Variants in TNPO1 observed in about 807,000 individuals in gnomAD.
TNPO1 encodes transportin-1.
In TNPO1, 8 loss-of-function variants were observed where a neutral mutation model predicts 119.5. The observed-to-expected ratio is 0.07, with a 90% CI of 0.04 to 0.12. TNPO1 has a LOEUF of 0.12. TNPO1 is among the 10% of genes least tolerant of loss of function. TNPO1 has a pLI of 1.00. For missense variants in TNPO1, 576 were observed against 1,089.8 expected (o/e 0.53, Z 6.64); for synonymous variants, 362 against 363.0 (o/e 1.00, Z 0.03).
chr5:72,900,056 A>G lies in TNPO1; in HGVS notation c.2389A>G (p.Met797Val), dbSNP rs1335643699. Residue 797 changes from methionine (M) to valine (V), a missense_variant, in exon 21 of 25, where the codon ATG becomes GTG. Physicochemically the swap from Met to Val is conservative, Grantham distance 21. Transcript: ENST00000337273. ...GYVCPQEVAP[M>V]LQQFIRPWCT... ...CGTTTGTCCTCAAGAGGTGGCCCCC[A>G]TGCTACAGCAGTTTATAAGACCCTG... 9.3e-6 allele frequency: 15 copies of G among 1,613,844 alleles called. No individual in the cohort carries two copies. Among genetic ancestry groups the G allele is most frequent in the Non-Finnish European group, 1.3e-5 (15 of 1,179,896 alleles).
chr5:72,878,705 C>T (rs2112399089), intron 9 of TNPO1: 2 of 214,700 alleles, frequency 9.3e-6, no homozygotes, highest in Non-Finnish European at 1.9e-5. Context: ...ATTGTTCTTC[C>T]TTTTCTCTTT....
rs1750562109 is a variant in TNPO1 at position 72,911,506 on chromosome 5, TC to T, written c.*2834del. The T allele has an allele frequency of 6.6e-6, 1 of 152,566 alleles. No homozygotes were observed. Among genetic ancestry groups the T allele is most frequent in the Admixed American group, 6.5e-5 (1 of 15,270 alleles). 9.5% of individuals were successfully genotyped at this position (152,566 alleles called of 1,614,324 possible). ...GAATTTGCAGAAGCCATTTAAGTTA[TC>T]TTTTGAGGTAAGCTCTGATTTAGCA... On this transcript the variant is annotated 3_prime_UTR_variant, in exon 25 of 25. Transcript: ENST00000337273.
At chr5:72,866,511 T>C (rs904662880) in intron 6 of TNPO1, among the ~76,000 whole-genome samples, 1 of 152,306 alleles carries the variant, frequency 6.6e-6, no homozygotes, top group South Asian at 2.1e-4. Flanking sequence ...CCTAACACTT[T>C]GGGAGGCCCA....
intron 1 of TNPO1, among the ~76,000 whole-genome samples, chr5:72,824,543 G>T (rs1293768285): frequency 6.6e-6 from 1 of 152,138 alleles, no homozygotes; most frequent in Non-Finnish European, 1.5e-5. Flanking sequence ...ACAGCTGTTT[G>T]CTTCCCTTAG....
chr5:72,909,088 C>A lies in TNPO1; in HGVS notation c.*415C>A. 6.5e-6 allele frequency: 1 copy of A among 154,528 alleles called. No individual in the cohort carries two copies. Among genetic ancestry groups the A allele is most frequent in the South Asian group, 1.7e-4 (1 of 5,998 alleles). 9.6% of individuals were successfully genotyped at this position (154,528 alleles called of 1,614,324 possible). ...ATTCTATAGCGCACAATAAAGGAAA[C>A]CTAAGAATGGGAGTTACAAATAGTA... On this transcript the variant is annotated 3_prime_UTR_variant, in exon 25 of 25. Transcript: ENST00000337273.
At chr5:72,905,112 T>A (rs925898912) in intron 23 of TNPO1, among the ~76,000 whole-genome samples, 191 bp from the exon 24 acceptor site, 1 of 151,912 alleles carries the variant, frequency 6.6e-6, no homozygotes, top group Middle Eastern at 3.2e-3. Context: ...CAATTCAAGA[T>A]GAGATTTGGG....
chr5:72,841,119 CT>C (rs1193958768), intron 1 of TNPO1, among the ~76,000 whole-genome samples: 170 of 142,492 alleles, frequency 1.2e-3, no homozygotes, highest in South Asian at 3.7e-3. Flanking sequence ...GACTCTCTCT[CT>C]TTTTTTTTTT....
rs199725900 is a variant in TNPO1 at position 72,875,743 on chromosome 5, A to C, written c.801+6A>C. Reference sequence around the variant, plus strand: ...ACATGCATAATATAGTTGAGGTAACACTGGCAATTTAAAGGCTCTTTCATC... The same window carrying C: ...ACATGCATAATATAGTTGAGGTAACCCTGGCAATTTAAAGGCTCTTTCATC... On this transcript the variant is annotated splice_donor_region_variant and intron_variant, in intron 8 of 24. Transcript: ENST00000337273. 9 of 1,592,538 alleles carry C rather than the reference A, an allele frequency of 5.7e-6. No individual in the cohort carries two copies. The highest frequency in any genetic ancestry group is 1.7e-4 in the Middle Eastern group (1 of 5,976).
intron 4 of TNPO1, among the ~76,000 whole-genome samples, chr5:72,857,117 C>G (rs569886535): frequency 4.6e-5 from 7 of 151,914 alleles, no homozygotes; most frequent in African/African-American, 1.7e-4. Flanking sequence ...GTCAGGAGTT[C>G]GAGACCAGCC....
intron 1 of TNPO1, among the ~76,000 whole-genome samples, chr5:72,821,237 C>T (rs1344246792): frequency 2.0e-5 from 3 of 151,958 alleles, no homozygotes; most frequent in Non-Finnish European, 4.4e-5. Context: ...ACTCCGAAGC[C>T]ATTAGTAAAA....
chr5:72,868,447 A>AC (rs1399113564), intron 6 of TNPO1, among the ~76,000 whole-genome samples: 2 of 148,546 alleles, frequency 1.3e-5, no homozygotes, highest in East Asian at 1.9e-4. Flanking sequence ...AAAAAAAAAA[A>AC]AAAAAAAAAA....
chr5:72,896,696 C>A (rs1306418674), intron 19 of TNPO1, 140 bp downstream of exon 19: 10 of 578,442 alleles, frequency 1.7e-5, no homozygotes, highest in Non-Finnish European at 2.4e-5. Flanking sequence ...ATGGTGAAAC[C>A]CCGTCTCTAC....
intron 6 of TNPO1, among the ~76,000 whole-genome samples, chr5:72,867,270 TAAC>T (rs1380434527): frequency 2.0e-5 from 3 of 152,216 alleles, no homozygotes; most frequent in African/African-American, 4.8e-5. Flanking sequence ...ATTTGGGTAA[TAAC>T]TATCTACTGT....
chr5:72,832,616 C>T (rs1425099321), intron 1 of TNPO1, among the ~76,000 whole-genome samples: 1 of 152,144 alleles, frequency 6.6e-6, no homozygotes, highest in African/African-American at 2.4e-5. Context: ...AAGCTAGCAT[C>T]ATAGTGAGAG....
chr5:72,820,646 C>G (rs2112156787), intron 1 of TNPO1, among the ~76,000 whole-genome samples: 1 of 152,234 alleles, frequency 6.6e-6, no homozygotes, highest in East Asian at 1.9e-4. Flanking sequence ...AGCGTTCGAG[C>G]CTGAATCTGA....
In TNPO1 at chr5:72,893,448, G is replaced by T. The variant is rs1434868415; in HGVS notation, c.1968G>T (p.Leu656=). The T allele has an allele frequency of 2.5e-6, 4 of 1,614,146 alleles. No individual in the cohort carries two copies. In the African/African-American group the frequency reaches 5.3e-5, roughly 22 times the overall value. Reference sequence around the variant, plus strand: ...TTATGATAGTGGCTCTTGATTTACTGAGTGGCCTGGCTGAAGGACTTGGAG... The same window carrying T: ...TTATGATAGTGGCTCTTGATTTACTTAGTGGCCTGGCTGAAGGACTTGGAG... The part of the protein sequence containing the change: ...KDFMIVALDL[L]SGLAEGLGGN... The change falls in exon 17 of 25, where the codon CTG becomes CTT. Residue 656 remains leucine, a synonymous_variant. Coordinates refer to ENST00000337273, the MANE Select transcript of TNPO1 (RefSeq NM_002270.4).
rs1197106756 is a variant in TNPO1, at chr5:72,912,990, G to A, written c.*4317G>A. 1.3e-5 allele frequency: 2 copies of A among 152,416 alleles called. No individual in the cohort carries two copies. Among genetic ancestry groups the A allele is most frequent in the African/African-American group, 2.4e-5 (1 of 41,402 alleles). 9.4% of individuals were successfully genotyped at this position (152,416 alleles called of 1,614,324 possible). A position where few individuals can be genotyped will look rare whatever the true frequency, so the allele number is the denominator to read the frequency against. On this transcript the variant is annotated 3_prime_UTR_variant, in exon 25 of 25. Coordinates refer to ENST00000337273, the MANE Select transcript of TNPO1 (RefSeq NM_002270.4). The stretch of plus-strand genomic sequence containing the variant: ...GAATTATTTTTGCAAATAATACAAG[G>A]AGGGGAAACTAACTTGCTACTAGTG...
rs781345270 is a variant in TNPO1 at position 72,851,230 on chromosome 5, A to G, written c.130-14A>G. ...ATTACACAGAGAAGTTTCCTTAACT[A>G]CTGTTTGTTCTAGAAACTGGAACAA... On this transcript the variant is annotated splice_polypyrimidine_tract_variant and intron_variant, in intron 2 of 24. Coordinates refer to ENST00000337273, the MANE Select transcript of TNPO1 (RefSeq NM_002270.4). 2.6e-5 allele frequency: 40 copies of G among 1,524,860 alleles called. No homozygotes were observed. The South Asian group carries it at 4.1e-4, about 16-fold the overall frequency. 94.5% of individuals were successfully genotyped at this position (1,524,860 alleles called of 1,614,324 possible). A position where few individuals can be genotyped will look rare whatever the true frequency, so the allele number is the denominator to read the frequency against.
intron 1 of TNPO1, among the ~76,000 whole-genome samples, chr5:72,847,378 T>G (rs1385199890): frequency 6.6e-6 from 1 of 152,250 alleles, no homozygotes; most frequent in African/African-American, 2.4e-5. Flanking sequence ...TAGCTTCAGT[T>G]GACTGTAGCA....
Sources: allele counts gnomAD v4.1 joint callset (sites outside exome capture counted in the v4.1 genomes callset), GRCh38; gene constraint gnomAD v4.1.1; transcripts MANE v1.5; gene names NCBI Gene and HGNC (gene_info 2026-07-23, HGNC 2026-07-21).